CFAP299: variants seen among roughly 807,000 people sequenced by gnomAD.
CFAP299 encodes cilia- and flagella-associated protein 299.
Under a neutral mutation model 27.0 loss-of-function variants are expected in CFAP299, and 21 were observed. That is an observed-to-expected ratio of 0.78 (90% CI 0.55 to 1.12). CFAP299 has a LOEUF of 1.12. Ranked by LOEUF, CFAP299 falls within the 50% of genes most tolerant of loss-of-function variation. The pLI, the probability that CFAP299 is intolerant of heterozygous loss-of-function variation, is 0.00. For synonymous variants in CFAP299, 104 were observed against 98.1 expected (o/e 1.06, Z -0.36); for missense variants, 310 against 276.6 (o/e 1.12, Z -0.86).
chr4:80,854,611 C>T (rs1200676562), intron 3 of CFAP299, among the ~76,000 whole-genome samples: 6 of 150,316 alleles, frequency 4.0e-5, no homozygotes, highest in Admixed American at 6.7e-5. Context: ...ATCTGATGGG[C>T]GGAAGACACA....
rs1001591664 is a variant in CFAP299 at position 80,387,837 on chromosome 4, C to T, written c.242+24953C>T. 49 of 1,446,256 alleles carry T rather than the reference C, an allele frequency of 3.4e-5. 2 individuals are homozygous for T. The highest frequency in any genetic ancestry group is 3.5e-4 in the Middle Eastern group (2 of 5,718). 89.6% of individuals were successfully genotyped at this position (1,446,256 alleles called of 1,614,324 possible). On this transcript the variant is annotated intron_variant, in intron 2 of 5. Transcript: ENST00000358105. Reference sequence around the variant, plus strand: ...GCTTCCCTGTAGCTTCCAGGAGTCCCCTGGTACCTTTAGCCCGTGGGGTCT... The same window carrying T: ...GCTTCCCTGTAGCTTCCAGGAGTCCTCTGGTACCTTTAGCCCGTGGGGTCT...
At chr4:80,424,958 A>G (rs1727464532) in intron 2 of CFAP299, among the ~76,000 whole-genome samples, 3 of 152,148 alleles carry the variant, frequency 2.0e-5, no homozygotes, top group Admixed American at 2.0e-4. Flanking sequence ...ATAGTGTAGA[A>G]GGAATGGTGT....
At chr4:80,688,679 C>G (rs1720415260) in intron 3 of CFAP299, among the ~76,000 whole-genome samples, 1 of 152,208 alleles carries the variant, frequency 6.6e-6, no homozygotes, top group Non-Finnish European at 1.5e-5. Context: ...AGCAACGGAA[C>G]AAAGCTGGAC....
chr4:80,362,804 A>G lies in CFAP299; in HGVS notation c.162A>G (p.Gly54=). 2.5e-6 allele frequency: 4 copies of G among 1,613,408 alleles called. No homozygotes were observed. Among genetic ancestry groups the G allele is most frequent in the Non-Finnish European group, 3.4e-6 (4 of 1,179,848 alleles). Residue 54 remains glycine, a synonymous_variant, in exon 2 of 6, where the codon GGA becomes GGG. Coordinates refer to ENST00000358105, the MANE Select transcript of CFAP299 (RefSeq NM_152770.3). Reference sequence around the variant, plus strand: ...TGGAGCTAGGCTACCGAGGGACTGGAGAGAGAGTGAAAAGGGAAGATTTTG... The same window carrying G: ...TGGAGCTAGGCTACCGAGGGACTGGGGAGAGAGTGAAAAGGGAAGATTTTG... ...QLVELGYRGT[G]ERVKREDFEA...
intron 3 of CFAP299, among the ~76,000 whole-genome samples, chr4:80,775,847 C>A (rs776220223): frequency 2.0e-5 from 3 of 152,092 alleles, no homozygotes; most frequent in Non-Finnish European, 4.4e-5. Context: ...TTATTTTTAA[C>A]ACATGGAAAT....
At chr4:80,367,695 A>G (rs1485053096) in intron 2 of CFAP299, among the ~76,000 whole-genome samples, 1 of 152,100 alleles carries the variant, frequency 6.6e-6, no homozygotes, top group Non-Finnish European at 1.5e-5. Context: ...TTTCTTCTCC[A>G]CTGAGATTCA....
At chr4:80,828,775 C>T (rs1230641980) in intron 3 of CFAP299, among the ~76,000 whole-genome samples, 1 of 152,008 alleles carries the variant, frequency 6.6e-6, no homozygotes, top group African/African-American at 2.4e-5. Flanking sequence ...TATAAATTAC[C>T]CAGTCTCAGA....
intron 3 of CFAP299, among the ~76,000 whole-genome samples, chr4:80,617,444 G>T (rs1577937869): frequency 6.6e-6 from 1 of 152,264 alleles, no homozygotes; most frequent in Non-Finnish European, 1.5e-5. Flanking sequence ...TGCAGAGCAA[G>T]AGAATGAATG....
At chr4:80,516,510 G>A (rs529040478) in intron 2 of CFAP299, among the ~76,000 whole-genome samples, 20 of 152,168 alleles carry the variant, frequency 1.3e-4, no homozygotes, top group African/African-American at 4.6e-4. Context: ...GATGAGAGAG[G>A]GAGTAAGAGG....
chr4:80,620,119 A>G (rs1471827), intron 3 of CFAP299, among the ~76,000 whole-genome samples: 97,126 of 151,950 alleles, frequency 0.64, 34,577 homozygotes, highest in Non-Finnish European at 0.79. Flanking sequence ...TTCATGAGTT[A>G]AATGTATGGA....
At chr4:80,778,557 C>A (rs1450561853) in intron 3 of CFAP299, among the ~76,000 whole-genome samples, 1 of 152,036 alleles carries the variant, frequency 6.6e-6, no homozygotes, top group Non-Finnish European at 1.5e-5. Flanking sequence ...ACTACCCCCT[C>A]CTTCTTCACA....
intron 4 of CFAP299, among the ~76,000 whole-genome samples, chr4:80,875,567 G>C (rs1733329296): frequency 1.3e-5 from 2 of 151,878 alleles, no homozygotes; most frequent in East Asian, 3.9e-4. Flanking sequence ...GGGAGGCTGA[G>C]GCAGGAGAAT....
At chr4:80,528,763 T>C (rs1445114626) in intron 2 of CFAP299, among the ~76,000 whole-genome samples, 2 of 152,116 alleles carry the variant, frequency 1.3e-5, no homozygotes, top group Non-Finnish European at 2.9e-5. Flanking sequence ...CATGTTATTC[T>C]CTCCAGATTT....
intron 2 of CFAP299, among the ~76,000 whole-genome samples, chr4:80,394,796 A>G (rs967163745): frequency 6.6e-6 from 1 of 151,966 alleles, no homozygotes; most frequent in African/African-American, 2.4e-5. Context: ...GTCTGTTTTT[A>G]TGCTGGTACC....
intron 3 of CFAP299, among the ~76,000 whole-genome samples, chr4:80,646,342 C>G (rs1057240767): frequency 2.6e-5 from 4 of 152,156 alleles, no homozygotes; most frequent in Non-Finnish European, 5.9e-5. Context: ...TGGCTTTACT[C>G]TCACTGAACA....
chr4:80,550,188 T>TTTTA (rs1734429847), intron 2 of CFAP299, among the ~76,000 whole-genome samples: 2 of 152,144 alleles, frequency 1.3e-5, no homozygotes, highest in Admixed American at 1.3e-4. Flanking sequence ...TTACTATAGA[T>TTTTA]TTTATTTATC....
At chr4:80,348,077 A>G (rs1722829792) in intron 1 of CFAP299, among the ~76,000 whole-genome samples, 1 of 152,210 alleles carries the variant, frequency 6.6e-6, no homozygotes, top group East Asian at 1.9e-4. Flanking sequence ...TGGCGTTGGG[A>G]GAACTGGTTA....
intron 2 of CFAP299, among the ~76,000 whole-genome samples, chr4:80,445,468 G>A (rs1728575360): frequency 6.6e-6 from 1 of 152,130 alleles, no homozygotes; most frequent in South Asian, 2.1e-4. Context: ...AGTGGGAGTT[G>A]AACAGTGAGA....
chr4:80,441,670 G>A (rs1728363165), intron 2 of CFAP299, among the ~76,000 whole-genome samples: 1 of 152,150 alleles, frequency 6.6e-6, no homozygotes, highest in African/African-American at 2.4e-5. Flanking sequence ...TCACCAGCTA[G>A]CATCATAATG....
Sources: allele counts gnomAD v4.1 joint callset (sites outside exome capture counted in the v4.1 genomes callset), GRCh38; gene constraint gnomAD v4.1.1; transcripts MANE v1.5; gene names NCBI Gene and HGNC (gene_info 2026-07-23, HGNC 2026-07-21).